The following STS variants were observed in gnomAD, a reference collection of about 807,000 sequenced individuals.
The protein encoded by STS is steryl-sulfatase.
A neutral mutation model predicts 26.8 loss-of-function variants in STS; 7 were observed. The observed-to-expected ratio is 0.26, with a 90% confidence interval of 0.15 to 0.49. The LOEUF (loss-of-function observed/expected upper bound fraction) is 0.49, where lower values mean the gene tolerates loss of function less well. Among genes scored for constraint, STS ranks in the 20% least tolerant of loss-of-function variants. STS has a pLI of 0.98. For missense variants in STS, 434 were observed against 465.6 expected (o/e 0.93, Z 0.63); for synonymous variants, 199 against 189.4 (o/e 1.05, Z -0.42).
At chrX:7,316,265 T>A (rs1926710502) in intron 8 of STS, among the ~76,000 whole-genome samples, 1 of 112,313 alleles carries the variant, frequency 8.9e-6, no homozygotes, top group Admixed American at 9.5e-5. Flanking sequence ...GATTTAATAT[T>A]ATGGAGTAAG....
At chrX:7,244,984 T>C (rs781163592) in intron 2 of STS, among the ~76,000 whole-genome samples, 2 of 112,338 alleles carry the variant, frequency 1.8e-5, no homozygotes, top group Non-Finnish European at 3.8e-5. Context: ...AAGTTATGTA[T>C]TTATTTCCTG....
intron 2 of STS, among the ~76,000 whole-genome samples, chrX:7,204,930 T>C (rs368127852): frequency 1.3e-3 from 145 of 108,798 alleles, no homozygotes; most frequent in African/African-American, 4.6e-3. Context: ...CCTAATCAGT[T>C]ACTTATGATA....
At chrX:7,218,661 G>C (rs1489247396) in intron 2 of STS, among the ~76,000 whole-genome samples, 4 of 112,377 alleles carry the variant, frequency 3.6e-5, no homozygotes, top group Non-Finnish European at 7.5e-5. Context: ...GAAGTGCACA[G>C]ATAATCTTAG....
chrX:7,205,657 G>C (rs77672486), intron 2 of STS, among the ~76,000 whole-genome samples: 1 of 30,900 alleles, frequency 3.2e-5, no homozygotes, highest in East Asian at 8.2e-4. Context: ...TTTTTTTTTT[G>C]AGACAGTTTC....
At chrX:7,270,998 C>CTTT (rs142362269) in intron 6 of STS, among the ~76,000 whole-genome samples, 1 of 101,265 alleles carries the variant, frequency 9.9e-6, no homozygotes, top group African/African-American at 3.6e-5. Flanking sequence ...TCTTCTTCTT[C>CTTT]TTTTTTTTTT....
intron 10 of STS, among the ~76,000 whole-genome samples, chrX:7,344,444 G>T (rs1372777374): frequency 9.0e-6 from 1 of 111,399 alleles, no homozygotes; most frequent in Non-Finnish European, 1.9e-5. Flanking sequence ...GCCTGTCATG[G>T]TGGGAAGGTG....
At chrX:7,271,405 C>T (rs1237578796) in intron 6 of STS, among the ~76,000 whole-genome samples, 1 of 110,515 alleles carries the variant, frequency 9.0e-6, no homozygotes, top group African/African-American at 3.3e-5. Context: ...AAACTTTCCC[C>T]ATAATAAGTA....
intron 8 of STS, among the ~76,000 whole-genome samples, chrX:7,320,067 TA>T (rs1926939851): frequency 1.1e-5 from 1 of 91,427 alleles, no homozygotes; most frequent in Admixed American, 1.3e-4. Flanking sequence ...ATATATATTT[TA>T]TATATATTTT....
intron 1 of STS, among the ~76,000 whole-genome samples, chrX:7,181,814 G>T (rs927266498): frequency 4.4e-5 from 5 of 112,362 alleles, no homozygotes; most frequent in African/African-American, 1.6e-4. Context: ...AGCTGGGTGT[G>T]GTGGCTCATG....
chrX:7,295,691 C>T (rs1376482036), intron 7 of STS, among the ~76,000 whole-genome samples: 2 of 111,009 alleles, frequency 1.8e-5, no homozygotes, highest in Non-Finnish European at 3.8e-5. Context: ...GAAAGATCTG[C>T]TTCTCTCGAC....
At chrX:7,293,906 T>G (rs1408253757) in intron 7 of STS, among the ~76,000 whole-genome samples, 3 of 111,217 alleles carry the variant, frequency 2.7e-5, no homozygotes, top group Non-Finnish European at 5.7e-5. Context: ...CAATGAGCTA[T>G]GATTGCACCA....
At chrX:7,154,967 T>G (rs1225396958) in intron 1 of STS, among the ~76,000 whole-genome samples, 1 of 112,434 alleles carries the variant, frequency 8.9e-6, no homozygotes, top group Non-Finnish European at 1.9e-5. Context: ...CTCCTTTATT[T>G]TACTTGCACC....
At chrX:7,334,558 C>G (rs1927922119) in intron 10 of STS, among the ~76,000 whole-genome samples, 1 of 111,799 alleles carries the variant, frequency 8.9e-6, no homozygotes, top group African/African-American at 3.3e-5. Context: ...TTGGAGGGTA[C>G]TCCTCAATGC....
intron 2 of STS, among the ~76,000 whole-genome samples, chrX:7,219,117 T>G (rs1415219400): frequency 3.6e-5 from 4 of 111,855 alleles, no homozygotes; most frequent in Non-Finnish European, 7.5e-5. Context: ...TAGCTTAAAC[T>G]ATCTTTAGGA....
chrX:7,348,869 C>T (rs1928640866), intron 10 of STS, among the ~76,000 whole-genome samples: 2 of 112,027 alleles, frequency 1.8e-5, no homozygotes, highest in Non-Finnish European at 3.8e-5. Context: ...CAGAACATCT[C>T]CTTCATCGCC....
At position 7,305,428 on chromosome X, in the gene STS, C is replaced by T. The variant is rs142004598; in HGVS notation, c.1081+245C>T. Among the ~76,000 whole-genome samples, 831 of 112,295 alleles carry T rather than the reference C, an allele frequency of 7.4e-3. 8 individuals carry two copies. The highest frequency in any genetic ancestry group is 0.026 in the African/African-American group (794 of 30,935). Reference sequence around the variant, plus strand: ...ATGTATCTCCAAATGTAAATGCAGCCTCATATAATGTAACTGATTAAAACA... The same window carrying T: ...ATGTATCTCCAAATGTAAATGCAGCTTCATATAATGTAACTGATTAAAACA... On this transcript the variant is annotated intron_variant, in intron 8 of 10. Coordinates refer to ENST00000674429, the MANE Select transcript of STS (RefSeq NM_001320752.2).
chrX:7,161,631 CTTACT>C (rs750989186), intron 1 of STS, among the ~76,000 whole-genome samples: 215 of 112,196 alleles, frequency 1.9e-3, no homozygotes, highest in African/African-American at 6.8e-3. Context: ...CCAGTTCATG[CTTACT>C]TTACTTCTTA....
intron 1 of STS, among the ~76,000 whole-genome samples, chrX:7,174,001 T>G (rs189188378): frequency 9.7e-4 from 108 of 111,636 alleles, no homozygotes; most frequent in Non-Finnish European, 1.8e-3. Flanking sequence ...TTAGCATTGT[T>G]CAGATAAAAA....
At chrX:7,307,271 C>A (rs1412612036) in intron 8 of STS, among the ~76,000 whole-genome samples, 1 of 111,453 alleles carries the variant, frequency 9.0e-6, no homozygotes. Flanking sequence ...ACTCTTTCAG[C>A]CCTTCTCTGT....
Sources: gnomAD v4.1 joint callset for allele counts (sites outside exome capture counted in the v4.1 genomes callset) on GRCh38, gnomAD v4.1.1 for gene constraint, MANE v1.5 for transcripts, NCBI Gene and HGNC (gene_info 2026-07-23, HGNC 2026-07-21) for gene names.